Variants in AOPEP observed in about 807,000 individuals in gnomAD.
AOPEP encodes the protein aminopeptidase O (putative).
AOPEP carries 77 observed loss-of-function variants against 98.1 expected under a neutral mutation model. The ratio of observed to expected loss-of-function variants is 0.78; its 90% CI spans 0.65 to 0.95. The LOEUF (loss-of-function observed/expected upper bound fraction) is 0.95, where lower values mean the gene tolerates loss of function less well. AOPEP is among the 40% of genes least tolerant of loss of function. The pLI, the probability that AOPEP is intolerant of heterozygous loss-of-function variation, is 0.00. For synonymous variants in AOPEP, 346 were observed against 365.3 expected, an observed-to-expected ratio of 0.95 and a Z score of 0.60; for missense variants, 1,024 against 1,024.7, an observed-to-expected ratio of 1.00 and a Z score of 0.01.
rs539142598 is a variant in AOPEP, at chr9:94,960,318, G to A, written c.1872+4303G>A. Among the ~76,000 whole-genome samples the A allele has an allele frequency of 1.1e-4, 16 of 151,982 alleles. No individual in the cohort carries two copies. In the East Asian group the frequency reaches 2.9e-3, roughly 28 times the overall value. ...CCCAACTACTCAGGAGGCTGAGGCA[G>A]GAGAATAGCTTGAACCCAGGAGGCG... On this transcript the variant is annotated intron_variant, in intron 9 of 16. Transcript: ENST00000375315.
chr9:95,035,710 G>A (rs1024489353), intron 13 of AOPEP, among the ~76,000 whole-genome samples: 11 of 151,524 alleles, frequency 7.3e-5, no homozygotes, highest in African/African-American at 2.7e-4. Context: ...TAGTAGAGAC[G>A]AGGTTTCTCC....
intron 5 of AOPEP, among the ~76,000 whole-genome samples, chr9:94,805,307 C>CG (rs1218354634): frequency 6.6e-6 from 1 of 152,088 alleles, no homozygotes; most frequent in Non-Finnish European, 1.5e-5. Context: ...GGCACCCAGA[C>CG]GGGCAACCGT....
intron 11 of AOPEP, among the ~76,000 whole-genome samples, chr9:94,988,858 G>A (rs529178667): frequency 4.6e-5 from 7 of 151,742 alleles, no homozygotes; most frequent in African/African-American, 1.5e-4. Context: ...AACATAATCC[G>A]TAATTATCTC....
intron 5 of AOPEP, among the ~76,000 whole-genome samples, chr9:94,871,475 T>C (rs752194497): frequency 6.6e-6 from 1 of 152,232 alleles, no homozygotes; most frequent in Non-Finnish European, 1.5e-5. Flanking sequence ...CTTGATATTT[T>C]GATCCCATTT....
rs563957972 is a variant in AOPEP, at chr9:94,838,993, C to T, written c.1364+37991C>T. Among the ~76,000 whole-genome samples the T allele has an allele frequency of 8.8e-5, 13 of 148,120 alleles. No homozygotes were observed. In the East Asian group the frequency reaches 9.9e-4, roughly 11 times the overall value. On this transcript the variant is annotated intron_variant, in intron 5 of 16. Coordinates refer to ENST00000375315, the MANE Select transcript of AOPEP (RefSeq NM_001193329.3). ...TGGCGCAATCTCGGCTCACTGCAAC[C>T]GCTGCCTCCTGGGTTCAAGCTGTTT...
rs144899920 is a variant in AOPEP, at chr9:94,941,253, T to C, written c.1661+12722T>C. Among the ~76,000 whole-genome samples, 10 of 152,306 alleles carry C rather than the reference T, an allele frequency of 6.6e-5. No individual in the cohort carries two copies. In the East Asian group the frequency reaches 1.9e-3, roughly 29 times the overall value. Reference sequence around the variant, plus strand: ...CACCACTGTCCAGAGTGGAAAAAAGTTCTTGCCTTTATGGCTTCCGAGAGT... The same window carrying C: ...CACCACTGTCCAGAGTGGAAAAAAGCTCTTGCCTTTATGGCTTCCGAGAGT... On this transcript the variant is annotated intron_variant, in intron 7 of 16. Transcript: ENST00000375315.
intron 1 of AOPEP, among the ~76,000 whole-genome samples, chr9:94,746,171 C>T (rs1834443036): frequency 1.3e-5 from 2 of 152,208 alleles, no homozygotes; most frequent in African/African-American, 2.4e-5. Flanking sequence ...TGAATCCAGC[C>T]AGTGGGTTTC....
downstream of AOPEP, chr9:95,087,357 C>T (rs1257017151): frequency 1.3e-5 from 2 of 151,498 alleles, no homozygotes; most frequent in East Asian, 1.9e-4. Flanking sequence ...GTGGTGGGCA[C>T]CTGTAATCCC....
At chr9:94,815,516 G>A (rs1409903990) in intron 5 of AOPEP, among the ~76,000 whole-genome samples, 4 of 152,006 alleles carry the variant, frequency 2.6e-5, no homozygotes, top group Admixed American at 2.0e-4. Flanking sequence ...CGAGAACCTC[G>A]GGCCCCTTCA....
chr9:95,000,331 T>C (rs2061483625), intron 11 of AOPEP, among the ~76,000 whole-genome samples: 1 of 152,252 alleles, frequency 6.6e-6, no homozygotes, highest in Admixed American at 6.5e-5. Flanking sequence ...ACATCCTTTA[T>C]GTAGCATCTT....
chr9:95,092,103 G>A (rs1045387191), downstream of AOPEP, among the ~76,000 whole-genome samples: 1 of 152,060 alleles, frequency 6.6e-6, no homozygotes, highest in African/African-American at 2.4e-5. Context: ...CACACTAGTA[G>A]GGAGAGGCAG....
intron 13 of AOPEP, among the ~76,000 whole-genome samples, chr9:95,017,658 T>G (rs2063123005): frequency 6.6e-6 from 1 of 152,236 alleles, no homozygotes. Context: ...ATATGTCATG[T>G]ATACGTTACA....
chr9:95,124,580 T>TC, the AOPEP span, among the ~76,000 whole-genome samples: 1 of 152,208 alleles, frequency 6.6e-6, no homozygotes, highest in African/African-American at 2.4e-5. Context: ...GTCAAGCCTT[T>TC]CCCAGTCACT....
chr9:95,085,837 T>A, intron 16 of AOPEP: 1 of 1,096,896 alleles, frequency 9.1e-7, no homozygotes, highest in Non-Finnish European at 1.2e-6. Context: ...TGTGAAATCA[T>A]GTGGTAGCTC....
At chr9:95,040,318 G>A (rs1205976893) in intron 13 of AOPEP, among the ~76,000 whole-genome samples, 1 of 152,204 alleles carries the variant, frequency 6.6e-6, no homozygotes, top group Non-Finnish European at 1.5e-5. Flanking sequence ...CTCACATTTA[G>A]AATTATATTG....
the AOPEP span, among the ~76,000 whole-genome samples, chr9:95,136,070 C>T: frequency 2.0e-5 from 3 of 152,142 alleles, no homozygotes; most frequent in Non-Finnish European, 4.4e-5. Flanking sequence ...TAATTATAAT[C>T]GGTTGCTTGA....
chr9:95,019,641 C>T (rs1372633567), intron 13 of AOPEP: 1 of 152,138 alleles, frequency 6.6e-6, no homozygotes, highest in Non-Finnish European at 1.5e-5. Context: ...AAAGTGTACT[C>T]TAGTTTTCTG....
intron 5 of AOPEP, among the ~76,000 whole-genome samples, chr9:94,912,304 G>C (rs1159444167): frequency 6.6e-6 from 1 of 152,132 alleles, no homozygotes; most frequent in Non-Finnish European, 1.5e-5. Context: ...AAGGTAAAAT[G>C]AAAGTGCAAG....
intron 6 of AOPEP, among the ~76,000 whole-genome samples, chr9:94,924,447 C>A (rs2054019584): frequency 6.6e-6 from 1 of 151,994 alleles, no homozygotes; most frequent in South Asian, 2.1e-4. Flanking sequence ...GCAGTGGGTC[C>A]TATTTTAGAA....
Sources: allele counts gnomAD v4.1 joint callset (sites outside exome capture counted in the v4.1 genomes callset), GRCh38; gene constraint gnomAD v4.1.1; transcripts MANE v1.5; gene names NCBI Gene and HGNC (gene_info 2026-07-23, HGNC 2026-07-21).